Variants in DGKB observed in about 807,000 individuals in gnomAD.
DGKB encodes the protein diacylglycerol kinase beta, also known as 90 kDa diacylglycerol kinase.
In DGKB, 67 loss-of-function variants were observed where a neutral mutation model predicts 114.3. That is an observed-to-expected ratio of 0.59 (90% CI 0.48 to 0.72). The LOEUF (loss-of-function observed/expected upper bound fraction) is 0.72, where lower values mean the gene tolerates loss of function less well. DGKB is among the 30% of genes least tolerant of loss of function. The pLI is 0.00. For synonymous variants in DGKB, 398 were observed against 323.1 expected (o/e 1.23, Z -2.49); for missense variants, 907 against 975.2 (o/e 0.93, Z 0.93).
chr7:14,966,612 A>G (rs1226732397), intron 1 of DGKB, among the ~76,000 whole-genome samples: 1 of 152,116 alleles, frequency 6.6e-6, no homozygotes, highest in Non-Finnish European at 1.5e-5. Flanking sequence ...CCTTTAAGGG[A>G]ACATTCAATC....
chr7:14,266,892 A>T (rs570009492), intron 23 of DGKB, among the ~76,000 whole-genome samples: 1 of 152,194 alleles, frequency 6.6e-6, no homozygotes, highest in Non-Finnish European at 1.5e-5. Flanking sequence ...GTTAATACTT[A>T]AGCAGACTGA....
intron 1 of DGKB, among the ~76,000 whole-genome samples, chr7:14,859,141 C>G (rs1426025716): frequency 6.6e-6 from 1 of 151,986 alleles, no homozygotes; most frequent in African/African-American, 2.4e-5. Context: ...TTCCAGGCAG[C>G]AGAAATGTCA....
At chr7:14,415,550 T>G (rs1343685617) in intron 21 of DGKB, among the ~76,000 whole-genome samples, 3 of 151,970 alleles carry the variant, frequency 2.0e-5, no homozygotes, top group African/African-American at 7.2e-5. Flanking sequence ...GATAGTTTGC[T>G]GAGAATGATG....
At chr7:14,723,483 T>C (rs1167256228) in intron 5 of DGKB, among the ~76,000 whole-genome samples, 1 of 152,166 alleles carries the variant, frequency 6.6e-6, no homozygotes, top group Admixed American at 6.5e-5. Flanking sequence ...AGTAGTATAA[T>C]CTGCAGATTC....
At chr7:14,598,234 G>C (rs765749497) in intron 17 of DGKB, among the ~76,000 whole-genome samples, 15 of 152,096 alleles carry the variant, frequency 9.9e-5, no homozygotes, top group Non-Finnish European at 2.2e-4. Flanking sequence ...TGATCACTCT[G>C]ATATAAAAAT....
intron 21 of DGKB, among the ~76,000 whole-genome samples, chr7:14,476,411 A>G (rs145289924): frequency 6.6e-6 from 1 of 152,246 alleles, no homozygotes; most frequent in Admixed American, 6.5e-5. Context: ...AAGGCAACTT[A>G]TAGTGCAAAA....
At chr7:14,503,257 G>A (rs1444097969) in intron 20 of DGKB, among the ~76,000 whole-genome samples, 1 of 152,058 alleles carries the variant, frequency 6.6e-6, no homozygotes, top group Non-Finnish European at 1.5e-5. Context: ...TTTTTAGACA[G>A]TTTGGTAAGA....
chr7:14,786,138 G>GTA (rs1307630400), intron 2 of DGKB, among the ~76,000 whole-genome samples: 2 of 144,572 alleles, frequency 1.4e-5, no homozygotes, highest in African/African-American at 5.6e-5. Flanking sequence ...CCAGGAACAT[G>GTA]TACACACACA....
intron 23 of DGKB, among the ~76,000 whole-genome samples, chr7:14,301,641 A>G (rs965191646): frequency 3.3e-5 from 5 of 152,166 alleles, no homozygotes; most frequent in East Asian, 1.9e-4. Context: ...TGCTGTATAC[A>G]TATACATCTC....
At chr7:14,535,279 G>C (rs559165970) in intron 20 of DGKB, among the ~76,000 whole-genome samples, 1 of 151,864 alleles carries the variant, frequency 6.6e-6, no homozygotes, top group Non-Finnish European at 1.5e-5. Context: ...TGAGGCAGCA[G>C]GATTGCTTGA....
intron 25 of DGKB, among the ~76,000 whole-genome samples, chr7:14,151,696 C>T (rs1466857407): frequency 6.6e-6 from 1 of 151,994 alleles, no homozygotes; most frequent in Non-Finnish European, 1.5e-5. Context: ...TTTCTTTACT[C>T]TAACTTTATT....
intron 20 of DGKB, among the ~76,000 whole-genome samples, chr7:14,571,388 T>C (rs763910273): frequency 1.3e-5 from 2 of 152,184 alleles, no homozygotes; most frequent in Non-Finnish European, 2.9e-5. Flanking sequence ...AACTTACACT[T>C]ACAGTAGTGA....
At chr7:14,845,763 C>G (rs1848546395) in intron 1 of DGKB, among the ~76,000 whole-genome samples, 1 of 151,432 alleles carries the variant, frequency 6.6e-6, no homozygotes, top group African/African-American at 2.4e-5. Flanking sequence ...GAGACAAGAA[C>G]AGAAGTCACT....
Position 14,543,682 on chromosome 7 carries a change from A to T in DGKB, c.1770+30530T>A, listed in dbSNP as rs142019221. The stretch of plus-strand genomic sequence containing the variant: ...TTAAATTAAAAACTATTTGTAAAGA[A>T]TTTAGCACAATGTTACTCTCACACA... On this transcript the variant is annotated intron_variant, in intron 20 of 25. Transcript: ENST00000402815. Among the ~76,000 whole-genome samples, 540 of 152,302 alleles carry T rather than the reference A, an allele frequency of 3.5e-3. 4 individuals are homozygous for T. Among genetic ancestry groups the T allele is most frequent in the African/African-American group, 0.012 (512 of 41,576 alleles).
At chr7:14,584,093 G>C (rs936598344) in intron 17 of DGKB, among the ~76,000 whole-genome samples, 2 of 152,122 alleles carry the variant, frequency 1.3e-5, no homozygotes, top group Non-Finnish European at 2.9e-5. Context: ...ATTAACTTGT[G>C]TGGTTTTATT....
At chr7:14,500,454 C>T (rs1007418422) in intron 20 of DGKB, among the ~76,000 whole-genome samples, 2 of 148,016 alleles carry the variant, frequency 1.4e-5, no homozygotes, top group African/African-American at 5.1e-5. Flanking sequence ...AGAAAATGAA[C>T]CAAACTAAAA....
In DGKB at chr7:14,841,353, G is replaced by A; in HGVS notation, c.-90C>T. ...GTCTATGCTTCAAAGATTCCACATGGCATGTTTCATGATAAAATACCTCAG... is the reference window on the plus strand; with the variant it reads ...GTCTATGCTTCAAAGATTCCACATGACATGTTTCATGATAAAATACCTCAG... On this transcript the variant is annotated 5_prime_UTR_variant, in exon 2 of 26. Transcript: ENST00000402815. The A allele has an allele frequency of 1.8e-6, 2 of 1,107,132 alleles. No homozygotes were observed. Among genetic ancestry groups the A allele is most frequent in the Middle Eastern group, 4.1e-4 (2 of 4,924 alleles). The allele number at this position is 1,107,132 out of a possible 1,614,324, so 68.6% of individuals were successfully genotyped here.
chr7:14,816,927 A>G (rs770721340), intron 2 of DGKB, among the ~76,000 whole-genome samples: 1 of 152,186 alleles, frequency 6.6e-6, no homozygotes, highest in Non-Finnish European at 1.5e-5. Context: ...CACTAATATA[A>G]AAACTTGCAG....
intron 2 of DGKB, among the ~76,000 whole-genome samples, chr7:14,807,750 G>A (rs775759216): frequency 6.6e-6 from 1 of 151,894 alleles, no homozygotes; most frequent in Non-Finnish European, 1.5e-5. Context: ...GAATAATTTT[G>A]AGTATTATTG....
Sources: allele counts gnomAD v4.1 joint callset (sites outside exome capture counted in the v4.1 genomes callset), GRCh38; gene constraint gnomAD v4.1.1; transcripts MANE v1.5; gene names NCBI Gene and HGNC (gene_info 2026-07-23, HGNC 2026-07-21).